CFAP54: variants seen among roughly 807,000 people sequenced by gnomAD.
The protein encoded by CFAP54 is cilia and flagella associated protein 54.
CFAP54 carries 290 observed loss-of-function variants against 370.4 expected under a neutral mutation model. The observed-to-expected ratio is 0.78, with a 90% CI of 0.71 to 0.86. The LOEUF is 0.86. Among genes scored for constraint, CFAP54 ranks in the 40% least tolerant of loss-of-function variants. CFAP54 has a pLI of 0.00. For synonymous variants in CFAP54, 1,206 were observed against 1,236.5 expected, an observed-to-expected ratio of 0.98 and a Z score of 0.52; for missense variants, 3,399 against 3,528.7, an observed-to-expected ratio of 0.96 and a Z score of 0.93.
intron 55 of CFAP54, among the ~76,000 whole-genome samples, chr12:96,752,569 C>T (rs559786079): frequency 4.7e-4 from 72 of 152,284 alleles, no homozygotes; most frequent in Admixed American, 1.7e-3. Context: ...TACTTCCATT[C>T]TCCTCTTTAT....
At chr12:96,616,190 G>A (rs560683214) in intron 26 of CFAP54, among the ~76,000 whole-genome samples, 5 of 152,286 alleles carry the variant, frequency 3.3e-5, no homozygotes, top group East Asian at 1.9e-4. Context: ...GCCATAAAAA[G>A]GATGAGTTCA....
chr12:96,528,673 C>CT (rs1955409006), intron 9 of CFAP54, among the ~76,000 whole-genome samples: 1 of 152,246 alleles, frequency 6.6e-6, no homozygotes, highest in African/African-American at 2.4e-5. Flanking sequence ...TGCTTTCTCT[C>CT]TTATTTCATC....
At chr12:96,650,948 C>G (rs1956851309) in intron 35 of CFAP54, among the ~76,000 whole-genome samples, 1 of 152,166 alleles carries the variant, frequency 6.6e-6, no homozygotes, top group South Asian at 2.1e-4. Context: ...GTCTTGAAAG[C>G]ACTTAGTTTG....
At chr12:96,735,343 G>T (rs1394726548) in intron 50 of CFAP54, among the ~76,000 whole-genome samples, 11 of 152,132 alleles carry the variant, frequency 7.2e-5, no homozygotes, top group Non-Finnish European at 2.9e-5. Context: ...AGCATCGGGG[G>T]CCAGGAAAGA....
At chr12:96,740,205 T>C (rs952265603) in intron 51 of CFAP54, 144 bp downstream of exon 51, 22 of 568,630 alleles carry the variant, frequency 3.9e-5, no homozygotes, top group Admixed American at 3.8e-4. Flanking sequence ...TTAGGTCCTA[T>C]TAATGCTATT....
In CFAP54 at chr12:96,586,742, C is replaced by A. The variant is rs117740690; in HGVS notation, c.3076-2685C>A. On this transcript the variant is annotated intron_variant, in intron 22 of 67. Transcript: ENST00000524981. ...TCATGAAAAGACTTCCAGGGCATTA[C>A]AGGGACTTTGGCTTTTGACTTGAGT... 3.6e-3 allele frequency among the ~76,000 whole-genome samples: 552 copies of A among 152,258 alleles called. 2 individuals carry two copies. Among genetic ancestry groups the A allele is most frequent in the Middle Eastern group, 0.02 (6 of 294 alleles).
intron 60 of CFAP54, among the ~76,000 whole-genome samples, chr12:96,767,825 T>A (rs1958415480): frequency 6.6e-6 from 1 of 151,740 alleles, no homozygotes; most frequent in East Asian, 1.9e-4. Flanking sequence ...TCCTCAGTAA[T>A]CTTAGCTTTA....
chr12:96,589,935 TG>T (rs1356755818), intron 23 of CFAP54, among the ~76,000 whole-genome samples: 2 of 151,974 alleles, frequency 1.3e-5, no homozygotes, highest in Admixed American at 1.3e-4. Context: ...TTAGTAGAGA[TG>T]GGGTTTTGCC....
At chr12:96,808,439 C>G (rs75540319) in intron 63 of CFAP54, among the ~76,000 whole-genome samples, 2,009 of 152,160 alleles carry the variant, frequency 0.013, 135 homozygotes, top group Admixed American at 0.11. Flanking sequence ...AGAGTACTCA[C>G]GAGACTTCAC....
In CFAP54 at chr12:96,540,840, A is replaced by AT; in HGVS notation, c.1933dup (p.Tyr645LeufsTer8). ...GCTGTGTATTTTCTCTTTTTAGTGG[A>AT]TTTATCTTCTGTGGCAGATAAATGA... On this transcript the variant is annotated frameshift_variant, in exon 14 of 68. Transcript: ENST00000524981. LOFTEE classifies it high-confidence loss of function. 6.9e-7 allele frequency: 1 copy of AT among 1,446,666 alleles called. No homozygotes were observed. The highest frequency in any genetic ancestry group is 9.0e-7 in the Non-Finnish European group (1 of 1,106,970). 89.6% of individuals were successfully genotyped at this position (1,446,666 alleles called of 1,614,324 possible).
At chr12:96,813,540 A>G (rs925282464) in intron 64 of CFAP54, among the ~76,000 whole-genome samples, 23 of 152,238 alleles carry the variant, frequency 1.5e-4, no homozygotes, top group African/African-American at 5.5e-4. Context: ...CATAAGAAAA[A>G]GTATATTTTA....
rs563968449 is a variant in CFAP54, at chr12:96,872,532, A to C, written c.*15-2586A>C. 2.6e-5 allele frequency among the ~76,000 whole-genome samples: 4 copies of C among 152,344 alleles called. No individual in the cohort carries two copies. In the South Asian group the frequency reaches 8.3e-4, roughly 32 times the overall value. ...TATTGTCATTAAGGTATATTTCAAA[A>C]ATGGATACTGCCAGAGGTGAAATAA... On this transcript the variant is annotated intron_variant, in intron 67 of 67. Coordinates refer to ENST00000524981, the MANE Select transcript of CFAP54 (RefSeq NM_001306084.2).
At chr12:96,603,743 G>A (rs912860112) in intron 26 of CFAP54, among the ~76,000 whole-genome samples, 6 of 151,766 alleles carry the variant, frequency 4.0e-5, no homozygotes, top group African/African-American at 1.5e-4. Flanking sequence ...CCACTTGATC[G>A]AATCGGCTAC....
rs542500181 is a variant in CFAP54 at position 96,826,695 on chromosome 12, TATA to T, written c.9097-2315_9097-2313del. On this transcript the variant is annotated intron_variant, in intron 65 of 67. Coordinates refer to ENST00000524981, the MANE Select transcript of CFAP54 (RefSeq NM_001306084.2). ...ATATAATATATAATATATTACATAT[TATA>T]ATATATAAATTAATATACAACAGAA... 1.1e-3 allele frequency among the ~76,000 whole-genome samples: 127 copies of T among 110,628 alleles called. 1 individual carries two copies. The highest frequency in any genetic ancestry group is 4.5e-3 in the African/African-American group (121 of 26,918). The allele number at this position is 110,628 out of a possible 152,430, so 72.6% of individuals were successfully genotyped here.
intron 17 of CFAP54, among the ~76,000 whole-genome samples, chr12:96,556,889 C>T (rs1340023545): frequency 6.6e-6 from 1 of 151,510 alleles, no homozygotes; most frequent in Non-Finnish European, 1.5e-5. Context: ...ACAATAGACA[C>T]TGGGGCCTTT....
chr12:96,758,080 T>G (rs1015974517), intron 58 of CFAP54, among the ~76,000 whole-genome samples: 1 of 152,140 alleles, frequency 6.6e-6, no homozygotes, highest in Non-Finnish European at 1.5e-5. Context: ...GGTACTCTCA[T>G]AGAGGAAGAT....
intron 66 of CFAP54, among the ~76,000 whole-genome samples, chr12:96,842,361 A>T (rs1959227672): frequency 6.6e-6 from 1 of 152,200 alleles, no homozygotes; most frequent in African/African-American, 2.4e-5. Flanking sequence ...AAATATTGAC[A>T]GTGATACAAT....
At chr12:96,779,014 G>A (rs889883995) in intron 60 of CFAP54, among the ~76,000 whole-genome samples, 4 of 151,582 alleles carry the variant, frequency 2.6e-5, no homozygotes, top group African/African-American at 9.7e-5. Context: ...GGCTGAGGCA[G>A]GAGAATCTCT....
chr12:96,816,217 T>C (rs940071514), intron 64 of CFAP54, among the ~76,000 whole-genome samples: 3 of 152,346 alleles, frequency 2.0e-5, no homozygotes, highest in Non-Finnish European at 4.4e-5. Context: ...TTTCCATTTG[T>C]TTGTGTCCTC....
Sources: gnomAD v4.1 joint callset for allele counts (sites outside exome capture counted in the v4.1 genomes callset) on GRCh38, gnomAD v4.1.1 for gene constraint, MANE v1.5 for transcripts, NCBI Gene and HGNC (gene_info 2026-07-23, HGNC 2026-07-21) for gene names.